SIRT3: variants seen among roughly 807,000 people sequenced by gnomAD.
SIRT3 encodes NAD-dependent protein deacetylase sirtuin-3, mitochondrial.
In SIRT3, 26 loss-of-function variants were observed where a neutral mutation model predicts 33.5. The ratio of observed to expected loss-of-function variants is 0.78; its 90% CI spans 0.57 to 1.08. The LOEUF is 1.08. Among genes scored for constraint, SIRT3 ranks in the 50% least tolerant of loss-of-function variants. The pLI is 0.00. For synonymous variants in SIRT3, 237 were observed against 222.1 expected, an observed-to-expected ratio of 1.07 and a Z score of -0.60; for missense variants, 585 against 530.1, an observed-to-expected ratio of 1.10 and a Z score of -1.02.
chr11:217,466 G>C (rs546021592), intron 6 of SIRT3, among the ~76,000 whole-genome samples: 1 of 152,334 alleles, frequency 6.6e-6, no homozygotes, highest in South Asian at 2.1e-4. Context: ...AAGAAAATAT[G>C]AAGTTGGAGC....
At chr11:229,909 A>C (rs1275752176) in intron 4 of SIRT3, among the ~76,000 whole-genome samples, 3 of 152,246 alleles carry the variant, frequency 2.0e-5, no homozygotes, top group Admixed American at 2.0e-4. Flanking sequence ...AAGGTGGGAC[A>C]ACCCAAACAC....
intron 1 of SIRT3, 168 bp from the exon 2 acceptor site, chr11:233,702 C>T: frequency 3.1e-6 from 2 of 637,738 alleles, no homozygotes; most frequent in Non-Finnish European, 5.3e-6. Flanking sequence ...TATTGGGGTA[C>T]AACAAAAAGC....
chr11:222,185 G>A (rs493011), intron 5 of SIRT3, among the ~76,000 whole-genome samples: 1 of 152,058 alleles, frequency 6.6e-6, no homozygotes, highest in Non-Finnish European at 1.5e-5. Flanking sequence ...CTCCATCCTA[G>A]GCCTAGCATG....
chr11:219,133 C>T (rs1856061568), intron 5 of SIRT3, 92 bp from the exon 6 acceptor site: 1 of 1,452,886 alleles, frequency 6.9e-7, no homozygotes. Flanking sequence ...CTTGGAGGAG[C>T]AGCAGATTGG....
chr11:229,707 CG>C (rs1857653281), intron 4 of SIRT3, among the ~76,000 whole-genome samples: 1 of 151,916 alleles, frequency 6.6e-6, no homozygotes, highest in African/African-American at 2.4e-5. Flanking sequence ...TGTATTGAGC[CG>C]AAATCGCGCC....
Position 223,618 on chromosome 11 carries a change from C to T in SIRT3, c.969+460G>A, listed in dbSNP as rs772634317. The T allele has an allele frequency of 6.3e-6, 3 of 474,804 alleles. No individual in the cohort carries two copies. Among genetic ancestry groups the T allele is most frequent in the Non-Finnish European group, 1.2e-5 (3 of 254,016 alleles). The allele number at this position is 474,804 out of a possible 1,614,324, so 29.4% of individuals were successfully genotyped here. ...CTGCCCCTCCACCTCGCCCCCACACCCCCATCCTTCTCCCTTCTCCTCACA... is the reference window on the plus strand; with the variant it reads ...CTGCCCCTCCACCTCGCCCCCACACTCCCATCCTTCTCCCTTCTCCTCACA... On this transcript the variant is annotated intron_variant, in intron 5 of 6. Transcript: ENST00000382743. This position sits in a 1 kb window ranked among gnomAD's most constrained non-coding sequence, Gnocchi z 4.8.
rs1179407881 is a variant in SIRT3, at chr11:216,683, G to A, written c.*15C>T. The A allele has an allele frequency of 1.2e-5, 20 of 1,613,784 alleles. No homozygotes were observed. Among genetic ancestry groups the A allele is most frequent in the African/African-American group, 2.7e-5 (2 of 74,924 alleles). On this transcript the variant is annotated 3_prime_UTR_variant, in exon 7 of 7. Transcript: ENST00000382743. ...CTCCTATGTTACCATTTATTGTGTG[G>A]GGGCAGCCATCATCCTATTTGTCTG...
In SIRT3 at chr11:233,605, G is replaced by A; in HGVS notation, c.282-71C>T. Reference sequence around the variant, plus strand: ...TCTCAGGATAGCAAGAACGAGCATGGCTCTGCCCTCTGCACCACCGCCACC... The same window carrying A: ...TCTCAGGATAGCAAGAACGAGCATGACTCTGCCCTCTGCACCACCGCCACC... On this transcript the variant is annotated intron_variant, in intron 1 of 6. Coordinates refer to ENST00000382743, the MANE Select transcript of SIRT3 (RefSeq NM_012239.6). 4 of 1,500,614 alleles carry A rather than the reference G, an allele frequency of 2.7e-6. 1 individual carries two copies. In the South Asian group the frequency reaches 3.6e-5, roughly 14 times the overall value. The allele number at this position is 1,500,614 out of a possible 1,614,324, so 93.0% of individuals were successfully genotyped here.
rs149834775 is a variant in SIRT3 at position 233,418 on chromosome 11, C to T, written c.398G>A (p.Arg133Gln). 154 of 1,614,048 alleles carry T rather than the reference C, an allele frequency of 9.5e-5. No individual in the cohort carries two copies. The highest frequency in any genetic ancestry group is 1.3e-4 in the African/African-American group (10 of 74,988). ...LSLQDVAELIRARACQRVVVM... is the reference protein window; with the variant it reads ...LSLQDVAELIQARACQRVVVM... Reference sequence around the variant, plus strand: ...CACCACCCTCTGGCAGGCTCTGGCCCGAATCAGCTCAGCTACATCCTGCAG... The same window carrying T: ...CACCACCCTCTGGCAGGCTCTGGCCTGAATCAGCTCAGCTACATCCTGCAG... Residue 133 changes from arginine to glutamine, a missense_variant, in exon 2 of 7, where the codon CGG (arginine) becomes CAG (glutamine). Arg to Gln is a conservative substitution (Grantham distance 43, BLOSUM62 1). Coordinates refer to ENST00000382743, the MANE Select transcript of SIRT3 (RefSeq NM_012239.6).
At chr11:229,824 CAAAAGAATA>C (rs1329453618) in intron 4 of SIRT3, among the ~76,000 whole-genome samples, 1 of 152,032 alleles carries the variant, frequency 6.6e-6, no homozygotes, top group East Asian at 1.9e-4. Flanking sequence ...GTATCATACT[CAAAAGAATA>C]AAAAACAAGG....
intron 3 of SIRT3, among the ~76,000 whole-genome samples, chr11:231,055 G>A (rs1857912532): frequency 6.6e-6 from 1 of 151,720 alleles, no homozygotes; most frequent in African/African-American, 2.4e-5. Flanking sequence ...AACCCGGGAG[G>A]TGGAAGTTGC....
In SIRT3 at chr11:230,623, T is replaced by A. The variant is rs1229227627; in HGVS notation, c.707-71A>T. 7 of 1,127,510 alleles carry A rather than the reference T, an allele frequency of 6.2e-6. No individual in the cohort carries two copies. In the African/African-American group the frequency reaches 1.1e-4, roughly 18 times the overall value. The allele number at this position is 1,127,510 out of a possible 1,614,324, so 69.8% of individuals were successfully genotyped here. ...AGCACGCAAGGCCAAGAGCACAACT[T>A]CTGGGCTTGGCAGGACTCCTGGAAG... On this transcript the variant is annotated intron_variant, in intron 3 of 6. Coordinates refer to ENST00000382743, the MANE Select transcript of SIRT3 (RefSeq NM_012239.6).
In SIRT3 at chr11:216,713, A is replaced by G. The variant is rs1352482585; in HGVS notation, c.1185T>C (p.Asp395=). ...AGCCATCATCCTATTTGTCTGGTCCATCAAGCTGGAATACAGAAGACAGAG... is the reference window on the plus strand; with the variant it reads ...AGCCATCATCCTATTTGTCTGGTCCGTCAAGCTGGAATACAGAAGACAGAG... The part of the protein sequence containing the change: ...DLVQRETGKL[D]GPDK Residue 395 remains aspartate (D), a synonymous_variant, in exon 7 of 7, where the codon GAT becomes GAC. Coordinates refer to ENST00000382743, the MANE Select transcript of SIRT3 (RefSeq NM_012239.6). 6.2e-7 allele frequency: 1 copy of G among 1,614,138 alleles called. No homozygotes were observed. The highest frequency in any genetic ancestry group is 8.5e-7 in the Non-Finnish European group (1 of 1,179,994).
intron 4 of SIRT3, among the ~76,000 whole-genome samples, chr11:225,149 C>T (rs7943332): frequency 0.16 from 24,203 of 151,866 alleles, 2,435 homozygotes; most frequent in Middle Eastern, 0.22. Context: ...CGCAGTGGCT[C>T]AGCTCTGTAA....
Position 223,894 on chromosome 11 carries a change from T to A in SIRT3, c.969+184A>T. The stretch of plus-strand genomic sequence containing the variant: ...TGACTCCTGTACCCCTCCCTTCCCC[T>A]GCCCTCCAGCCTCCTCCCTGCACAG... On this transcript the variant is annotated intron_variant, in intron 5 of 6. Transcript: ENST00000382743. The surrounding 1 kb of genome is among the most constrained non-coding windows in gnomAD (Gnocchi z 4.8). 1.1e-4 allele frequency: 33 copies of A among 312,564 alleles called. No homozygotes were observed. Among genetic ancestry groups the A allele is most frequent in the East Asian group, 3.8e-4 (5 of 13,240 alleles). 19.4% of individuals were successfully genotyped at this position (312,564 alleles called of 1,614,324 possible).
chr11:221,824 G>A (rs4980335), intron 5 of SIRT3, among the ~76,000 whole-genome samples: 23,783 of 152,116 alleles, frequency 0.16, 2,357 homozygotes, highest in Middle Eastern at 0.22. Context: ...AAAACAGCAG[G>A]CTGCAGAATA....
At chr11:236,475 C>T, upstream of SIRT3, 1 of 357,566 alleles carries the variant, frequency 2.8e-6, no homozygotes, top group Non-Finnish European at 3.9e-6. Flanking sequence ...CCTCCGCGCC[C>T]CGCCCCCGCC....
chr11:233,983 C>T (rs1858495776), intron 1 of SIRT3: 2 of 158,324 alleles, frequency 1.3e-5, no homozygotes, highest in Admixed American at 6.3e-5. Context: ...CAAACAGCTA[C>T]TGTGCTCCTA....
intron 1 of SIRT3, among the ~76,000 whole-genome samples, chr11:235,710 T>C (rs551248147): frequency 5.3e-5 from 8 of 152,290 alleles, no homozygotes; most frequent in African/African-American, 1.9e-4. Context: ...CCGCACAACA[T>C]TTATGAGGGA....
Sources: allele counts gnomAD v4.1 joint callset (sites outside exome capture counted in the v4.1 genomes callset), GRCh38; gene constraint gnomAD v4.1.1; non-coding constraint Gnocchi (gnomAD v3.1); transcripts MANE v1.5; gene names NCBI Gene and HGNC (gene_info 2026-07-23, HGNC 2026-07-21).